Variants in RTEL1 observed in about 807,000 individuals in gnomAD.
RTEL1 encodes regulator of telomere elongation helicase 1, also known as regulator of telomere length.
In RTEL1, 86 loss-of-function variants were observed where a neutral mutation model predicts 162.2. The ratio of observed to expected loss-of-function variants is 0.53; its 90% confidence interval spans 0.45 to 0.63. RTEL1 has a LOEUF of 0.63. Among genes scored for constraint, RTEL1 ranks in the 30% least tolerant of loss-of-function variants. RTEL1 has a pLI of 0.00. For missense variants in RTEL1, 1,941 were observed against 1,750.2 expected (o/e 1.11, Z -1.95); for synonymous variants, 958 against 717.9 (o/e 1.33, Z -5.35).
rs2146217520 is a variant in RTEL1, at chr20:63,679,966, C to T, written c.1135+20C>T. The T allele has an allele frequency of 2.5e-6, 4 of 1,582,322 alleles. No individual in the cohort carries two copies. Among genetic ancestry groups the T allele is most frequent in the South Asian group, 2.2e-5 (2 of 89,608 alleles). ...CAGGACGTGAGTGCTGGCACGGGGT[C>T]TTTGGTGCGGGCAAATGTGGCGTAG... On this transcript the variant is annotated intron_variant, in intron 13 of 34. Coordinates refer to ENST00000360203, the MANE Select transcript of RTEL1 (RefSeq NM_001283009.2).
At chr20:63,689,953 C>CGGT (rs1280043552) in intron 24 of RTEL1, 88 bp downstream of exon 24, 10 of 1,552,928 alleles carry the variant, frequency 6.4e-6, no homozygotes, top group Non-Finnish European at 8.7e-6. Flanking sequence ...ACATGAGGCC[C>CGGT]CGTCTCCTCC....
chr20:63,691,784 C>G lies in RTEL1; in HGVS notation c.2599C>G (p.Pro867Ala), dbSNP rs1197705603. The G allele has an allele frequency of 6.2e-7, 1 of 1,612,464 alleles. No homozygotes were observed. The highest frequency in any genetic ancestry group is 1.7e-5 in the Admixed American group (1 of 60,010). ...CCTGTCCCTCCTGTCTGAGAAGAGG[C>G]CGGCAGAAGAACCGCGAGGAGGGAG... The part of the protein sequence containing the change: ...STLSLLSEKR[P>A]AEEPRGGRKK... The change falls in exon 28 of 35, where the codon CCG becomes GCG. Residue 867 changes from proline (P) to alanine (A), a missense_variant. By Grantham distance (27) the Pro-to-Ala change is conservative. Coordinates refer to ENST00000360203, the MANE Select transcript of RTEL1 (RefSeq NM_001283009.2).
Position 63,692,864 on chromosome 20 carries a change from G to A in RTEL1, c.2712G>A (p.Lys904=). 1 of 1,612,670 alleles carries A rather than the reference G, an allele frequency of 6.2e-7. No individual in the cohort carries two copies. The highest frequency in any genetic ancestry group is 8.5e-7 in the Non-Finnish European group (1 of 1,179,872). ...DRAKLFMVAV[K]QELSQANFAT... is the part of the protein sequence containing the mutation. ...CCAAGCTCTTCATGGTGGCCGTGAA[G>A]CAGGAGTTGAGCCAAGCCAACTTTG... Residue 904 remains lysine, a synonymous_variant, in exon 29 of 35, where the codon AAG becomes AAA. Coordinates refer to ENST00000360203, the MANE Select transcript of RTEL1 (RefSeq NM_001283009.2).
rs1407612639 is a variant in RTEL1 at position 63,695,549 on chromosome 20, G to A, written c.3721G>A (p.Gly1241Ser). 4 of 1,612,422 alleles carry A rather than the reference G, an allele frequency of 2.5e-6. No homozygotes were observed. The highest frequency in any genetic ancestry group is 3.4e-6 in the Non-Finnish European group (4 of 1,179,878). ...AGCTCCGGGCGGGCCCCTCTCAGCAGGCTGTGTGTGCCAGGGCTGTGGGGC... is the reference window on the plus strand; with the variant it reads ...AGCTCCGGGCGGGCCCCTCTCAGCAAGCTGTGTGTGCCAGGGCTGTGGGGC... The part of the protein sequence containing the change: ...TGAPGGPLSA[G>S]CVCQGCGAED... The change falls in exon 34 of 35, where the codon GGC (glycine) becomes AGC (serine). Residue 1241 changes from glycine (G) to serine (S), a missense_variant. By Grantham distance (56) the Gly-to-Ser change is moderately conservative (BLOSUM62 0). Coordinates refer to ENST00000360203, the MANE Select transcript of RTEL1 (RefSeq NM_001283009.2).
At position 63,694,476 on chromosome 20, in the gene RTEL1, C is replaced by G; in HGVS notation, c.3097C>G (p.Pro1033Ala). 1 of 1,598,796 alleles carries G rather than the reference C, an allele frequency of 6.3e-7. No homozygotes were observed. The highest frequency in any genetic ancestry group is 1.1e-5 in the South Asian group (1 of 90,634). The change falls in exon 31 of 35, where the codon CCA (proline) becomes GCA (alanine). Residue 1033 changes from proline to alanine, a missense_variant. Pro to Ala is a conservative substitution (Grantham distance 27). Transcript: ENST00000360203. ...NQGRPHLSPR[P>A]PPTGDPGSQP... ...GGGCAGGCCCCACCTGTCGCCCAGG[C>G]CACCCCCAACAGGTAGCTGACTCCT...
chr20:63,663,981 G>A (rs1168089716), intron 6 of RTEL1, among the ~76,000 whole-genome samples: 2 of 152,156 alleles, frequency 1.3e-5, no homozygotes, highest in South Asian at 2.1e-4. Context: ...GGAGGCTCCC[G>A]CTTACTGGAG....
At chr20:63,658,908 C>G (rs2078689279) in intron 1 of RTEL1, among the ~76,000 whole-genome samples, 1 of 152,252 alleles carries the variant, frequency 6.6e-6, no homozygotes, top group Admixed American at 6.5e-5. Context: ...GGTTCAGACC[C>G]TCCGCTCTGA....
intron 27 of RTEL1, 53 bp from the exon 28 acceptor site, chr20:63,691,689 C>T: frequency 6.6e-7 from 1 of 1,514,666 alleles, no homozygotes; most frequent in Non-Finnish European, 9.1e-7. Flanking sequence ...GCTTTGGGAC[C>T]CCAGAGTGTG....
At chr20:63,690,727 A>G in intron 26 of RTEL1, 78 bp from the exon 27 acceptor site, 1 of 1,476,088 alleles carries the variant, frequency 6.8e-7, no homozygotes, top group Non-Finnish European at 9.1e-7. Context: ...ACTCTCCCCC[A>G]AGAGGGGCTT....
chr20:63,691,698 T>A (rs2090748981), intron 27 of RTEL1, 44 bp from the exon 28 acceptor site: 1 of 1,508,452 alleles, frequency 6.6e-7, no homozygotes, highest in African/African-American at 1.4e-5. Context: ...CCCCAGAGTG[T>A]GTGGTTGGGG....
chr20:63,672,849 AGG>A (rs2090272703), intron 9 of RTEL1, among the ~76,000 whole-genome samples: 3 of 152,194 alleles, frequency 2.0e-5, no homozygotes, highest in South Asian at 4.1e-4. Flanking sequence ...CGTCAGGCGC[AGG>A]GCCCCCACAG....
chr20:63,681,208 C>T, intron 14 of RTEL1: 5 of 985,456 alleles, frequency 5.1e-6, no homozygotes, highest in Non-Finnish European at 6.0e-6. Context: ...TGGCCCCGTC[C>T]TGTCCTGCAA....
intron 10 of RTEL1, among the ~76,000 whole-genome samples, chr20:63,674,433 C>T (rs7265082): frequency 0.055 from 8,384 of 152,284 alleles, 781 homozygotes; most frequent in African/African-American, 0.19. Context: ...ATCAACTTGG[C>T]CTCTACTGTG....
intron 21 of RTEL1, 138 bp from the exon 22 acceptor site, chr20:63,688,917 A>G: frequency 1.3e-6 from 1 of 793,844 alleles, no homozygotes; most frequent in Non-Finnish European, 2.1e-6. Context: ...CCGTGCCAGG[A>G]AGAAGCTTCC....
chr20:63,692,050 A>G, intron 28 of RTEL1: 1 of 530,630 alleles, frequency 1.9e-6, no homozygotes, highest in East Asian at 3.3e-5. Flanking sequence ...ATCAGGCCCC[A>G]CCCTTGGGCA....
Position 63,695,088 on chromosome 20 carries a change from A to G in RTEL1, c.3366A>G (p.Pro1122=), listed in dbSNP as rs770859393. 2 of 1,612,218 alleles carry G rather than the reference A, an allele frequency of 1.2e-6. No homozygotes were observed. The highest frequency in any genetic ancestry group is 1.7e-6 in the Non-Finnish European group (2 of 1,179,810). Residue 1122 remains proline (P), a synonymous_variant, in exon 33 of 35, where the codon CCA becomes CCG. Transcript: ENST00000360203. ...CAGGGTTCAGCATGTTTGTGCGTCC[A>G]CACCACAAGCAGCGCTTCTCACAGA... ...LLHRFSMFVR[P]HHKQRFSQTC...
At chr20:63,678,456 T>C (rs1471136587) in intron 12 of RTEL1, 110 bp downstream of exon 12, 3 of 1,045,500 alleles carry the variant, frequency 2.9e-6, no homozygotes, top group East Asian at 2.6e-5. Context: ...TTTTCAGGCC[T>C]GTTTTCCCTT....
chr20:63,691,946 C>A (rs2090756797), intron 28 of RTEL1, 109 bp downstream of exon 28: 13 of 792,608 alleles, frequency 1.6e-5, no homozygotes, highest in Non-Finnish European at 2.2e-5. Flanking sequence ...GGAATCCACC[C>A]CCAGGAGCTG....
At chr20:63,673,865 C>G in intron 9 of RTEL1, 75 bp from the exon 10 acceptor site, 2 of 1,508,304 alleles carry the variant, frequency 1.3e-6, no homozygotes, top group Non-Finnish European at 1.8e-6. Flanking sequence ...CTTCTGCACC[C>G]CCACCCCATT....
Sources: allele counts gnomAD v4.1 joint callset (sites outside exome capture counted in the v4.1 genomes callset), GRCh38; gene constraint gnomAD v4.1.1; transcripts MANE v1.5; gene names NCBI Gene and HGNC (gene_info 2026-07-23, HGNC 2026-07-21).